MAP3K7: variants seen among roughly 807,000 people sequenced by gnomAD.
MAP3K7 encodes the protein TGF-beta activated kinase 1.
A neutral mutation model predicts 84.8 loss-of-function variants in MAP3K7; 21 were observed. That is an observed-to-expected ratio of 0.25 (90% CI 0.18 to 0.36). The LOEUF is 0.36. MAP3K7 is among the 10% of genes least tolerant of loss of function. The pLI is 1.00. For missense variants in MAP3K7, 503 were observed against 747.7 expected (o/e 0.67, Z 3.82); for synonymous variants, 241 against 247.7 (o/e 0.97, Z 0.25).
intron 12 of MAP3K7, among the ~76,000 whole-genome samples, chr6:90,541,737 T>C (rs764832038): frequency 2.0e-5 from 3 of 152,030 alleles, no homozygotes; most frequent in Non-Finnish European, 4.4e-5. Context: ...CACATTTGAC[T>C]GATGGCATAG....
intron 13 of MAP3K7, among the ~76,000 whole-genome samples, chr6:90,535,200 T>G (rs1393431814): frequency 2.0e-5 from 3 of 151,990 alleles, no homozygotes; most frequent in Non-Finnish European, 4.4e-5. Flanking sequence ...ATATTTGAAG[T>G]GGTTTTTGGT....
intron 12 of MAP3K7, among the ~76,000 whole-genome samples, chr6:90,541,994 T>A (rs1233832990): frequency 6.6e-6 from 1 of 152,020 alleles, no homozygotes; most frequent in African/African-American, 2.4e-5. Flanking sequence ...AAATAAGATC[T>A]TTAAAAAGCT....
chr6:90,577,835 G>A (rs1777138319), intron 1 of MAP3K7, among the ~76,000 whole-genome samples: 1 of 152,200 alleles, frequency 6.6e-6, no homozygotes, highest in Admixed American at 6.5e-5. Flanking sequence ...AAGCCCTCCA[G>A]GTAGTTTCAA....
chr6:90,535,369 T>C (rs1198265585), intron 13 of MAP3K7, among the ~76,000 whole-genome samples: 4 of 151,902 alleles, frequency 2.6e-5, no homozygotes, highest in Non-Finnish European at 5.9e-5. Flanking sequence ...GTTTATAATA[T>C]ATAAACGCTA....
chr6:90,519,502 T>G (rs1349528602), intron 14 of MAP3K7, among the ~76,000 whole-genome samples, 183 bp from the exon 15 acceptor site: 2 of 152,046 alleles, frequency 1.3e-5, no homozygotes, highest in Non-Finnish European at 2.9e-5. Context: ...GATATTCAAT[T>G]ATCAGATATT....
At chr6:90,561,558 T>C in intron 4 of MAP3K7, 64 bp downstream of exon 4, 1 of 1,232,330 alleles carries the variant, frequency 8.1e-7, no homozygotes, top group Non-Finnish European at 1.2e-6. Context: ...CAACTTAGGG[T>C]TTATATTAAA....
At chr6:90,583,864 T>C (rs157711) in intron 1 of MAP3K7, among the ~76,000 whole-genome samples, 152,319 of 152,322 alleles carry the variant, frequency 1, 76,158 homozygotes, top group Middle Eastern at 1. Context: ...CACTAAATGA[T>C]GTTTAAAAAG....
In MAP3K7 at chr6:90,568,626, GTTAAGAAA is replaced by G; in HGVS notation, c.232-11_232-4del. The G allele has an allele frequency of 6.2e-7, 1 of 1,603,610 alleles. No homozygotes were observed. Among genetic ancestry groups the G allele is most frequent in the Non-Finnish European group, 8.5e-7 (1 of 1,176,672 alleles). The stretch of plus-strand genomic sequence containing the variant: ...TTCACACGGGATAACTGCCGAAGCT[GTTAAGAAA>G]TTAAGGTTTCTTTTAAAAAGTGATA... On this transcript the variant is annotated splice_region_variant and splice_polypyrimidine_tract_variant and intron_variant, in intron 2 of 16. Coordinates refer to ENST00000369329, the MANE Select transcript of MAP3K7 (RefSeq NM_145331.3).
intron 12 of MAP3K7, among the ~76,000 whole-genome samples, chr6:90,543,639 C>A (rs988991976): frequency 6.6e-6 from 1 of 152,030 alleles, no homozygotes. Context: ...GCTAAAAACA[C>A]AATCACAGGC....
chr6:90,542,773 C>T (rs531614828), intron 12 of MAP3K7, among the ~76,000 whole-genome samples: 10 of 152,096 alleles, frequency 6.6e-5, no homozygotes, highest in Non-Finnish European at 1.5e-4. Flanking sequence ...TTGTAGGGCA[C>T]AAAGAACATC....
In MAP3K7 at chr6:90,555,659, A is replaced by G. The variant is rs35368234; in HGVS notation, c.607+841T>C. Among the ~76,000 whole-genome samples the G allele has an allele frequency of 8.1e-4, 123 of 152,294 alleles. 1 individual carries two copies. Among genetic ancestry groups the G allele is most frequent in the African/African-American group, 2.6e-3 (110 of 41,560 alleles). ...ACAGTTAATTCTCATTATTCCTGGT[A>G]TTTATGTTCTATAAAGTTTCTGAGA... On this transcript the variant is annotated intron_variant, in intron 6 of 16. Transcript: ENST00000369329.
rs566908420 is a variant in MAP3K7 at position 90,515,891 on chromosome 6, G to C, written c.*610C>G. 4.6e-5 allele frequency: 7 copies of C among 152,360 alleles called. No homozygotes were observed. Among genetic ancestry groups the C allele is most frequent in the African/African-American group, 1.4e-4 (6 of 41,466 alleles). 9.4% of individuals were successfully genotyped at this position (152,360 alleles called of 1,614,324 possible). A position where few individuals can be genotyped will look rare whatever the true frequency, so the allele number is the denominator to read the frequency against. On this transcript the variant is annotated 3_prime_UTR_variant, in exon 17 of 17. Coordinates refer to ENST00000369329, the MANE Select transcript of MAP3K7 (RefSeq NM_145331.3). ...CCGGTAAAACTGCTTTCATTAAATA[G>C]AGCAGCTGCCACTTACCTTTACATA...
Position 90,516,316 on chromosome 6 carries a change from A to C in MAP3K7, c.*185T>G, listed in dbSNP as rs1774958884. On this transcript the variant is annotated 3_prime_UTR_variant, in exon 17 of 17. Coordinates refer to ENST00000369329, the MANE Select transcript of MAP3K7 (RefSeq NM_145331.3). ...ATGCTACCATGTTATGCAATGAAAC[A>C]GTAAAATTGTATGTCCACCATGAGA... 1 of 628,140 alleles carries C rather than the reference A, an allele frequency of 1.6e-6. No homozygotes were observed. Among genetic ancestry groups the C allele is most frequent in the Admixed American group, 3.0e-5 (1 of 32,922 alleles). The allele number at this position is 628,140 out of a possible 1,614,324, so 38.9% of individuals were successfully genotyped here. A position where few individuals can be genotyped will look rare whatever the true frequency, so the allele number is the denominator to read the frequency against.
At chr6:90,533,153 G>A (rs1193919429) in intron 13 of MAP3K7, among the ~76,000 whole-genome samples, 1 of 152,146 alleles carries the variant, frequency 6.6e-6, no homozygotes, top group Non-Finnish European at 1.5e-5. Flanking sequence ...TATACTAAGA[G>A]CCTATCTGGC....
intron 4 of MAP3K7, 91 bp from the exon 5 acceptor site, chr6:90,560,305 G>T: frequency 1.5e-6 from 2 of 1,309,562 alleles, no homozygotes; most frequent in South Asian, 1.3e-5. Context: ...CACATGACTG[G>T]GTATTTTTCT....
chr6:90,530,454 C>G (rs462572), intron 13 of MAP3K7, among the ~76,000 whole-genome samples: 55,281 of 151,660 alleles, frequency 0.36, 10,476 homozygotes, highest in African/African-American at 0.48. Flanking sequence ...CTACACCTTT[C>G]TTTTCACCTT....
chr6:90,560,318 A>G, intron 4 of MAP3K7, 104 bp from the exon 5 acceptor site: 4 of 1,136,990 alleles, frequency 3.5e-6, no homozygotes, highest in South Asian at 1.4e-5. Context: ...ATTTTTCTAC[A>G]TATACATATG....
At position 90,586,976 on chromosome 6, in the gene MAP3K7, C is replaced by T. The variant is rs1025007449; in HGVS notation, c.-93G>A. 105 of 1,395,386 alleles carry T rather than the reference C, an allele frequency of 7.5e-5. No individual in the cohort carries two copies. The highest frequency in any genetic ancestry group is 9.1e-5 in the Non-Finnish European group (97 of 1,071,404). The allele number at this position is 1,395,386 out of a possible 1,614,324, so 86.4% of individuals were successfully genotyped here. ...CACCCGCCTCCGGACCGACCCTCAGCCTGGAGCCGCGCAGTCCTACTACCC... is the reference window on the plus strand; with the variant it reads ...CACCCGCCTCCGGACCGACCCTCAGTCTGGAGCCGCGCAGTCCTACTACCC... On this transcript the variant is annotated 5_prime_UTR_variant, in exon 1 of 17. Transcript: ENST00000369329.
At chr6:90,553,018 T>C (rs777136669) in intron 7 of MAP3K7, among the ~76,000 whole-genome samples, 2 of 152,246 alleles carry the variant, frequency 1.3e-5, no homozygotes, top group Non-Finnish European at 2.9e-5. Context: ...GAAAAATATG[T>C]GAAGCATTAT....
Sources: gnomAD v4.1 joint callset for allele counts (sites outside exome capture counted in the v4.1 genomes callset) on GRCh38, gnomAD v4.1.1 for gene constraint, MANE v1.5 for transcripts, NCBI Gene and HGNC (gene_info 2026-07-23, HGNC 2026-07-21) for gene names.